ADGB: variants seen among roughly 807,000 people sequenced by gnomAD.
The protein encoded by ADGB is calpain-7-like protein.
ADGB carries 172 observed loss-of-function variants against 210.5 expected under a neutral mutation model. The observed-to-expected ratio is 0.82, with a 90% CI of 0.72 to 0.93. The LOEUF is 0.93. Among genes scored for constraint, ADGB ranks in the 40% least tolerant of loss-of-function variants. ADGB has a pLI of 0.00. For missense variants in ADGB, 2,025 were observed against 1,964.8 expected (o/e 1.03, Z -0.58); for synonymous variants, 658 against 662.7 (o/e 0.99, Z 0.11).
chr6:146,811,584 G>T (rs192194803), intron 35 of ADGB, among the ~76,000 whole-genome samples: 1 of 152,164 alleles, frequency 6.6e-6, no homozygotes, highest in Non-Finnish European at 1.5e-5. Context: ...ATGTATTTTT[G>T]ATCAATTACT....
At chr6:146,631,672 C>T (rs1324301802) in intron 1 of ADGB, among the ~76,000 whole-genome samples, 1 of 152,024 alleles carries the variant, frequency 6.6e-6, no homozygotes, top group Non-Finnish European at 1.5e-5. Flanking sequence ...AACAAAAAAT[C>T]CAATGTTCCT....
At chr6:146,772,867 A>G (rs1310546895) in intron 29 of ADGB, among the ~76,000 whole-genome samples, 2 of 152,086 alleles carry the variant, frequency 1.3e-5, no homozygotes, top group Non-Finnish European at 2.9e-5. Context: ...AAAGTCTTGA[A>G]GGATACCAAG....
At chr6:146,769,390 A>G (rs918702572) in intron 29 of ADGB, among the ~76,000 whole-genome samples, 2 of 152,246 alleles carry the variant, frequency 1.3e-5, no homozygotes, top group South Asian at 4.1e-4. Context: ...GTTAATAAAA[A>G]TTACTAATTG....
intron 33 of ADGB, among the ~76,000 whole-genome samples, chr6:146,794,862 T>A (rs905240557): frequency 3.3e-5 from 5 of 152,144 alleles, no homozygotes; most frequent in Non-Finnish European, 5.9e-5. Flanking sequence ...CTTGTTTGAG[T>A]ATGAGACTTT....
intron 1 of ADGB, among the ~76,000 whole-genome samples, chr6:146,625,837 T>A (rs1410813256): frequency 6.6e-6 from 1 of 152,098 alleles, no homozygotes; most frequent in African/African-American, 2.4e-5. Context: ...AAGAATGGAC[T>A]AATACAGTTA....
intron 1 of ADGB, among the ~76,000 whole-genome samples, chr6:146,622,097 GT>G (rs1780902557): frequency 1.3e-5 from 2 of 152,110 alleles, no homozygotes; most frequent in Non-Finnish European, 2.9e-5. Context: ...GTATACAACA[GT>G]AGCTAATTTT....
At chr6:146,671,085 A>G (rs760194320) in intron 7 of ADGB, among the ~76,000 whole-genome samples, 2 of 152,198 alleles carry the variant, frequency 1.3e-5, no homozygotes, top group Non-Finnish European at 2.9e-5. Flanking sequence ...GAGGAGGAAT[A>G]GGATGTGGGA....
chr6:146,699,276 A>G (rs1776453913), intron 12 of ADGB, among the ~76,000 whole-genome samples: 1 of 152,126 alleles, frequency 6.6e-6, no homozygotes, highest in Admixed American at 6.6e-5. Flanking sequence ...GTTCAGTCCA[A>G]ATCTAAAGGC....
intron 9 of ADGB, among the ~76,000 whole-genome samples, chr6:146,680,483 G>C (rs1411913669): frequency 6.6e-6 from 1 of 152,154 alleles, no homozygotes. Flanking sequence ...GCCAGAAGTT[G>C]AGTACTAATA....
At chr6:146,670,559 C>T (rs1240660302) in intron 7 of ADGB, among the ~76,000 whole-genome samples, 1 of 152,146 alleles carries the variant, frequency 6.6e-6, no homozygotes, top group Non-Finnish European at 1.5e-5. Context: ...CTTAGACAGG[C>T]CTAGTTGAGC....
At chr6:146,765,089 G>A (rs544615019) in intron 28 of ADGB, among the ~76,000 whole-genome samples, 111 of 152,182 alleles carry the variant, frequency 7.3e-4, no homozygotes, top group African/African-American at 2.6e-3. Context: ...GCGAGCCACC[G>A]TGCCTGGCCT....
intron 35 of ADGB, 32 bp downstream of exon 35, chr6:146,802,043 T>C: frequency 7.2e-7 from 1 of 1,387,340 alleles, no homozygotes; most frequent in Non-Finnish European, 9.4e-7. Context: ...TAGATTATAG[T>C]TGGCAAATTC....
intron 25 of ADGB, among the ~76,000 whole-genome samples, chr6:146,743,774 C>T (rs1453232611): frequency 2.0e-5 from 3 of 152,106 alleles, no homozygotes; most frequent in Non-Finnish European, 1.5e-5. Context: ...ATTAGCCAGG[C>T]GTGGTGGCGT....
intron 26 of ADGB, among the ~76,000 whole-genome samples, chr6:146,751,486 G>C (rs764585374): frequency 2.8e-4 from 42 of 151,990 alleles, no homozygotes; most frequent in Non-Finnish European, 5.1e-4. Flanking sequence ...GTTTCTCTGG[G>C]TATATACCCA....
At position 146,769,142 on chromosome 6, in the gene ADGB, C is replaced by T. The variant is rs1388301247; in HGVS notation, c.3862+11C>T. On this transcript the variant is annotated intron_variant, in intron 29 of 35. Transcript: ENST00000397944. ...AAAGTAATACCAAAGGTATGTCACC[C>T]TAAATGTTTAAACATGCACTTTACA... The T allele has an allele frequency of 2.1e-6, 3 of 1,399,698 alleles. No homozygotes were observed. The highest frequency in any genetic ancestry group is 2.9e-6 in the Non-Finnish European group (3 of 1,019,364). The allele number at this position is 1,399,698 out of a possible 1,614,324, so 86.7% of individuals were successfully genotyped here. A position where few individuals can be genotyped will look rare whatever the true frequency, so the allele number is the denominator to read the frequency against.
At chr6:146,804,806 C>T (rs1056061884) in intron 35 of ADGB, among the ~76,000 whole-genome samples, 19 of 152,164 alleles carry the variant, frequency 1.2e-4, no homozygotes, top group African/African-American at 4.3e-4. Flanking sequence ...GGTAACAAAA[C>T]CCCCAATATC....
At chr6:146,813,695 A>G (rs1013376478) in intron 35 of ADGB, among the ~76,000 whole-genome samples, 1 of 152,208 alleles carries the variant, frequency 6.6e-6, no homozygotes, top group African/African-American at 2.4e-5. Context: ...TGTAAATTCA[A>G]TTTACCATGT....
chr6:146,803,360 A>G (rs2114667487), intron 35 of ADGB: 2 of 1,607,066 alleles, frequency 1.2e-6, no homozygotes, highest in Non-Finnish European at 1.7e-6. Flanking sequence ...TTCGACTGTC[A>G]TGGTGTAATT....
chr6:146,693,014 T>C (rs1776353243), intron 12 of ADGB, 99 bp downstream of exon 12: 5 of 662,772 alleles, frequency 7.5e-6, no homozygotes, highest in African/African-American at 1.8e-5. Context: ...TTTTGAAGAA[T>C]AGTAATTTTA....
Sources: gnomAD v4.1 joint callset for allele counts (sites outside exome capture counted in the v4.1 genomes callset) on GRCh38, gnomAD v4.1.1 for gene constraint, MANE v1.5 for transcripts, NCBI Gene and HGNC (gene_info 2026-07-23, HGNC 2026-07-21) for gene names.